Variants in LAMC3 observed in about 807,000 individuals in gnomAD.
The protein encoded by LAMC3 is laminin subunit gamma-3.
Under a neutral mutation model 173.8 loss-of-function variants are expected in LAMC3, and 128 were observed. The observed-to-expected ratio is 0.74, with a 90% CI of 0.64 to 0.85. The LOEUF is 0.85. Ranked by LOEUF, LAMC3 falls within the 40% of genes least tolerant of loss-of-function variation. The pLI is 0.00. For missense variants in LAMC3, 2,022 were observed against 2,156.0 expected (o/e 0.94, Z 1.23); for synonymous variants, 897 against 909.1 (o/e 0.99, Z 0.24).
chr9:131,061,067 C>A lies in LAMC3; in HGVS notation c.2191C>A (p.Pro731Thr). Residue 731 changes from proline (P) to threonine (T), a missense_variant, in exon 13 of 28, where the codon CCA (proline) becomes ACA (threonine). Pro to Thr is a conservative substitution (Grantham distance 38, BLOSUM62 -1). Coordinates refer to ENST00000361069, the MANE Select transcript of LAMC3 (RefSeq NM_006059.4). ...TGTCTGCAGCCACCATACCGAGGGCCCATCCTGTGAACGCTGTTTGCCAGG... is the reference window on the plus strand; with the variant it reads ...TGTCTGCAGCCACCATACCGAGGGCACATCCTGTGAACGCTGTTTGCCAGG... The part of the protein sequence containing the change: ...ICVCSHHTEG[P>T]SCERCLPGFY... 5.6e-6 allele frequency: 9 copies of A among 1,614,150 alleles called. No homozygotes were observed. The highest frequency in any genetic ancestry group is 7.6e-6 in the Non-Finnish European group (9 of 1,180,022).
intron 6 of LAMC3, 113 bp from the exon 7 acceptor site, chr9:131,041,524 C>T (rs958169604): frequency 1.7e-5 from 15 of 906,278 alleles, no homozygotes; most frequent in African/African-American, 6.5e-5. Flanking sequence ...CAGTTACCTG[C>T]GTCAGCCTCA....
intron 20 of LAMC3, among the ~76,000 whole-genome samples, chr9:131,075,302 A>C (rs1010695051): frequency 6.6e-6 from 1 of 151,920 alleles, no homozygotes; most frequent in Non-Finnish European, 1.5e-5. Context: ...GGCTGGGTGC[A>C]GTGGCTCACG....
intron 8 of LAMC3, among the ~76,000 whole-genome samples, chr9:131,046,503 C>T (rs1366873769): frequency 2.4e-5 from 3 of 123,064 alleles, no homozygotes; most frequent in African/African-American, 8.0e-5. Context: ...ACCACCATGC[C>T]GAGCTAATTT....
chr9:131,028,650 G>T (rs530606953), intron 2 of LAMC3, among the ~76,000 whole-genome samples: 68 of 152,240 alleles, frequency 4.5e-4, no homozygotes, highest in African/African-American at 1.6e-3. Flanking sequence ...AAGGCTACCG[G>T]CTCACATCAG....
chr9:131,027,158 T>C (rs1474058248), intron 2 of LAMC3, among the ~76,000 whole-genome samples: 1 of 152,234 alleles, frequency 6.6e-6, no homozygotes, highest in African/African-American at 2.4e-5. Context: ...CAGAGCCCTG[T>C]GGCTCCCAGG....
chr9:131,032,557 G>GCTCTCTCTCTTGCTCTCTCTCGCT (rs1564368397), intron 3 of LAMC3, among the ~76,000 whole-genome samples: 7 of 132,216 alleles, frequency 5.3e-5, no homozygotes, highest in Middle Eastern at 3.8e-3. Flanking sequence ...GCTCTCTCTC[G>GCTCTCTCTCTTGCTCTCTCTCGCT]CTCTCTCTCT....
intron 2 of LAMC3, among the ~76,000 whole-genome samples, chr9:131,027,218 G>A (rs1339505526): frequency 1.3e-5 from 2 of 152,236 alleles, no homozygotes; most frequent in African/African-American, 4.8e-5. Context: ...TATGGGTGTG[G>A]AAGCTGAGGC....
chr9:131,009,595 C>G lies in LAMC3; in HGVS notation c.373+8C>G. 6.4e-7 allele frequency: 1 copy of G among 1,566,564 alleles called. No homozygotes were observed. Among genetic ancestry groups the G allele is most frequent in the Non-Finnish European group, 8.6e-7 (1 of 1,157,314 alleles). On this transcript the variant is annotated splice_region_variant and intron_variant, in intron 1 of 27. Coordinates refer to ENST00000361069, the MANE Select transcript of LAMC3 (RefSeq NM_006059.4). This position sits in a 1 kb window ranked among gnomAD's most constrained non-coding sequence, Gnocchi z 4.3. ...ACATCACCCTCCGCCTAGGTAAGCG[C>G]GGGCTGGGGGCACCGCCACCGCACC...
Position 131,009,618 on chromosome 9 carries a change from A to T in LAMC3, c.373+31A>T. The T allele has an allele frequency of 6.4e-7, 1 of 1,553,866 alleles. No individual in the cohort carries two copies. Among genetic ancestry groups the T allele is most frequent in the South Asian group, 1.2e-5 (1 of 84,294 alleles). ...CGCGGGCTGGGGGCACCGCCACCGC[A>T]CCCCGTGTCCCCACTCCACTGGGGG... On this transcript the variant is annotated intron_variant, in intron 1 of 27. Coordinates refer to ENST00000361069, the MANE Select transcript of LAMC3 (RefSeq NM_006059.4). This position sits in a 1 kb window ranked among gnomAD's most constrained non-coding sequence, Gnocchi z 4.3.
chr9:131,090,447 A>G (rs818057), intron 27 of LAMC3, among the ~76,000 whole-genome samples: 128,090 of 152,250 alleles, frequency 0.84, 54,351 homozygotes, highest in African/African-American at 0.93. Context: ...GCTGTGGGCC[A>G]TGGGGCCTCT....
At position 131,073,431 on chromosome 9, in the gene LAMC3, A is replaced by C. The variant is rs1367421367; in HGVS notation, c.3494+110A>C. On this transcript the variant is annotated intron_variant, in intron 20 of 27. Coordinates refer to ENST00000361069, the MANE Select transcript of LAMC3 (RefSeq NM_006059.4). ...CCAGAAGTTGGGATCAGATATTACA[A>C]GAGCTGTCTGATGGAGGCAGTGTCA... 3.0e-5 allele frequency: 25 copies of C among 823,444 alleles called. 1 individual carries two copies. The East Asian group carries it at 6.4e-4, about 21-fold the overall frequency. The allele number at this position is 823,444 out of a possible 1,614,324, so 51.0% of individuals were successfully genotyped here. A position where few individuals can be genotyped will look rare whatever the true frequency, so the allele number is the denominator to read the frequency against.
At chr9:131,017,392 A>G (rs1484039057) in intron 1 of LAMC3, among the ~76,000 whole-genome samples, 1 of 152,152 alleles carries the variant, frequency 6.6e-6, no homozygotes, top group African/African-American at 2.4e-5. Context: ...GAGAAGATGC[A>G]GCAATATCAC....
At position 131,079,566 on chromosome 9, in the gene LAMC3, T is replaced by G. The variant is rs1830199208; in HGVS notation, c.3927+268T>G. ...AAAATTAGCCAGGCATGGTGGCATGTGCCTATAGTCCCATCTACTTGGGAG... is the reference window on the plus strand; with the variant it reads ...AAAATTAGCCAGGCATGGTGGCATGGGCCTATAGTCCCATCTACTTGGGAG... On this transcript the variant is annotated intron_variant, in intron 23 of 27. Coordinates refer to ENST00000361069, the MANE Select transcript of LAMC3 (RefSeq NM_006059.4). Among the ~76,000 whole-genome samples the G allele has an allele frequency of 2.0e-5, 3 of 152,210 alleles. No individual in the cohort carries two copies. In the South Asian group the frequency reaches 6.2e-4, roughly 32 times the overall value.
chr9:131,052,095 G>T (rs1262570011), intron 9 of LAMC3, among the ~76,000 whole-genome samples: 1 of 152,188 alleles, frequency 6.6e-6, no homozygotes, highest in Non-Finnish European at 1.5e-5. Context: ...AACTCCTGCT[G>T]CTGGGTGTTC....
intron 17 of LAMC3, among the ~76,000 whole-genome samples, chr9:131,070,164 A>G (rs1452239638): frequency 6.6e-6 from 1 of 152,178 alleles, no homozygotes; most frequent in African/African-American, 2.4e-5. Context: ...CCCCTTGGTA[A>G]AGAGGGTTAA....
At chr9:131,080,283 T>A in intron 23 of LAMC3, 1 of 3,972 alleles carries the variant, frequency 2.5e-4, no homozygotes, top group East Asian at 1.6e-3. Flanking sequence ...GCCTCATTCC[T>A]TTTTTTTTTT....
chr9:131,029,615 G>A lies in LAMC3; in HGVS notation c.679-2430G>A, dbSNP rs1833791531. Among the ~76,000 whole-genome samples the A allele has an allele frequency of 6.6e-6, 1 of 152,210 alleles. No individual in the cohort carries two copies. The highest frequency in any genetic ancestry group is 1.5e-5 in the Non-Finnish European group (1 of 68,034). ...GCTCTTTTCTCCTCATGCTCCCTCT[G>A]GACACATTTAGGGGGCAGGTGCTTT... On this transcript the variant is annotated intron_variant, in intron 2 of 27. Transcript: ENST00000361069. This position sits in a 1 kb window ranked among gnomAD's most constrained non-coding sequence, Gnocchi z 4.6.
chr9:131,051,702 A>C (rs1834289055), intron 9 of LAMC3, among the ~76,000 whole-genome samples: 1 of 152,166 alleles, frequency 6.6e-6, no homozygotes, highest in African/African-American at 2.4e-5. Context: ...AATACTGCAC[A>C]CAACAAGCCC....
At position 131,026,514 on chromosome 9, in the gene LAMC3, T is replaced by C. The variant is rs2133226573; in HGVS notation, c.603T>C (p.Ser201=). ...TSEFSDISPL[S]GGNVAFSTLE... Reference sequence around the variant, plus strand: ...AGTTCAGCGACATCTCCCCGCTGAGTGGCGGCAACGTGGCCTTCTCCACCC... The same window carrying C: ...AGTTCAGCGACATCTCCCCGCTGAGCGGCGGCAACGTGGCCTTCTCCACCC... Residue 201 remains serine (S), a synonymous_variant, in exon 2 of 28, where the codon AGT becomes AGC. Transcript: ENST00000361069. This position sits in a 1 kb window ranked among gnomAD's most constrained non-coding sequence, Gnocchi z 4.8. 1.9e-6 allele frequency: 3 copies of C among 1,612,550 alleles called. No individual in the cohort carries two copies. Among genetic ancestry groups the C allele is most frequent in the African/African-American group, 2.7e-5 (2 of 74,992 alleles).
Sources: gnomAD v4.1 joint callset for allele counts (sites outside exome capture counted in the v4.1 genomes callset) on GRCh38, gnomAD v4.1.1 for gene constraint, Gnocchi (gnomAD v3.1) non-coding constraint, MANE v1.5 for transcripts, NCBI Gene and HGNC (gene_info 2026-07-23, HGNC 2026-07-21) for gene names.